The following LTN1 variants were observed in gnomAD, a reference collection of about 807,000 sequenced individuals.
LTN1 encodes the protein E3 ubiquitin-protein ligase listerin.
LTN1 carries 88 observed loss-of-function variants against 201.2 expected under a neutral mutation model. That is an observed-to-expected ratio of 0.44 (90% CI 0.37 to 0.52). The LOEUF (loss-of-function observed/expected upper bound fraction) is 0.52. Ranked by LOEUF, LTN1 falls within the 20% of genes least tolerant of loss-of-function variation. The pLI, the probability that LTN1 is intolerant of heterozygous loss-of-function variation, is 0.00. For synonymous variants in LTN1, 645 were observed against 713.5 expected, an observed-to-expected ratio of 0.90 and a Z score of 1.53; for missense variants, 1,752 against 2,038.7, an observed-to-expected ratio of 0.86 and a Z score of 2.71.
At chr21:28,974,846 G>A (rs1311786309) in intron 6 of LTN1, among the ~76,000 whole-genome samples, 1 of 152,108 alleles carries the variant, frequency 6.6e-6, no homozygotes, top group Non-Finnish European at 1.5e-5. Context: ...ATGTTGTGCA[G>A]GCTGGTCTTG....
chr21:28,960,653 A>G lies in LTN1; in HGVS notation c.2217T>C (p.Asp739=). ...AGTTGACCAATTTCTCACCAAGGAT[A>G]TCGCCTTTGAGCCAAGGAGTTACTA... is the stretch of plus-strand genomic sequence containing the variant. The part of the protein sequence containing the change: ...HALVTPWLKG[D]ILGEKLVNLA... Residue 739 remains aspartate (D), a synonymous_variant, in exon 12 of 30, where the codon GAT becomes GAC. Coordinates refer to ENST00000361371, the MANE Select transcript of LTN1 (RefSeq NM_015565.3). 6.2e-7 allele frequency: 1 copy of G among 1,614,118 alleles called. No individual in the cohort carries two copies. Among genetic ancestry groups the G allele is most frequent in the East Asian group, 2.2e-5 (1 of 44,858 alleles).
In LTN1 at chr21:28,937,809, C is replaced by A. The variant is rs573180630; in HGVS notation, c.4483-1112G>T. Reference sequence around the variant, plus strand: ...AAGTGTAACAAAAATATTCCAGAATCTGAAAAAATCTGAAATCAGAAACAC... The same window carrying A: ...AAGTGTAACAAAAATATTCCAGAATATGAAAAAATCTGAAATCAGAAACAC... On this transcript the variant is annotated intron_variant, in intron 25 of 29. Coordinates refer to ENST00000361371, the MANE Select transcript of LTN1 (RefSeq NM_015565.3). Among the ~76,000 whole-genome samples, 15 of 152,104 alleles carry A rather than the reference C, an allele frequency of 9.9e-5. No individual in the cohort carries two copies. In the South Asian group the frequency reaches 3.1e-3, roughly 32 times the overall value.
intron 18 of LTN1, among the ~76,000 whole-genome samples, chr21:28,951,639 T>C (rs1464920435): frequency 2.6e-5 from 4 of 152,122 alleles, no homozygotes; most frequent in Middle Eastern, 3.4e-3. Flanking sequence ...TATAAAATTC[T>C]ACAACAAAAG....
chr21:28,972,439 C>T (rs751575771), intron 6 of LTN1, among the ~76,000 whole-genome samples: 7 of 123,784 alleles, frequency 5.7e-5, no homozygotes, highest in Admixed American at 1.2e-4. Flanking sequence ...GTAATATAGT[C>T]GGCCCTCCAT....
intron 14 of LTN1, among the ~76,000 whole-genome samples, chr21:28,958,068 G>C (rs561533948): frequency 4.1e-4 from 63 of 152,202 alleles, no homozygotes; most frequent in Non-Finnish European, 6.9e-4. Context: ...AGTTTAAATG[G>C]ATGGTCATTG....
intron 3 of LTN1, among the ~76,000 whole-genome samples, chr21:28,985,344 C>A (rs989182806): frequency 6.6e-6 from 1 of 151,936 alleles, no homozygotes; most frequent in African/African-American, 2.4e-5. Flanking sequence ...ACCTGTAATC[C>A]CAGTTACTCA....
rs112281584 is a variant in LTN1 at position 28,934,978 on chromosome 21, T to C, written c.4875+131A>G. 20 of 664,856 alleles carry C rather than the reference T, an allele frequency of 3.0e-5. 1 individual carries two copies. Among genetic ancestry groups the C allele is most frequent in the African/African-American group, 2.3e-4 (13 of 55,346 alleles). 41.2% of individuals were successfully genotyped at this position (664,856 alleles called of 1,614,324 possible). ...CTCCCAAAGCGTTGGGATTAAGGCA[T>C]GAGCCACGACTCCTGGCCACCAGTT... On this transcript the variant is annotated intron_variant, in intron 27 of 29. Transcript: ENST00000361371.
chr21:28,940,536 A>G (rs1462407583), intron 25 of LTN1, among the ~76,000 whole-genome samples: 1 of 152,202 alleles, frequency 6.6e-6, no homozygotes, highest in Admixed American at 6.5e-5. Flanking sequence ...ATTAAGTTAT[A>G]TCTCCACAAC....
chr21:28,943,912 CAAA>C lies in LTN1; in HGVS notation c.3983-11_3983-9del. The stretch of plus-strand genomic sequence containing the variant: ...ACACATCTTTGTTTTCTCCTAATGA[CAAA>C]AAGGAAAGAAACATGCACGTCTCAA... On this transcript the variant is annotated splice_polypyrimidine_tract_variant and intron_variant, in intron 22 of 29. Transcript: ENST00000361371. The C allele has an allele frequency of 6.4e-7, 1 of 1,563,270 alleles. No homozygotes were observed. Among genetic ancestry groups the C allele is most frequent in the South Asian group, 1.1e-5 (1 of 89,778 alleles).
chr21:28,960,393 A>C, intron 12 of LTN1, 124 bp downstream of exon 12: 1 of 699,810 alleles, frequency 1.4e-6, no homozygotes. Flanking sequence ...AAGAAAAAAA[A>C]AAATTTGAAT....
In LTN1 at chr21:28,966,604, T is replaced by C. The variant is rs758061662; in HGVS notation, c.1887A>G (p.Val629=). ...TTTCATCACCAAGTAGCATTTTAAA[T>C]ACTCGGCTTGAAGAAAAGGAGTCAA... The part of the protein sequence containing the change: ...TLLDSFSSSR[V]FKMLLGDEKQ... The change falls in exon 10 of 30, where the codon GTA becomes GTG. Residue 629 remains valine (V), a synonymous_variant. Coordinates refer to ENST00000361371, the MANE Select transcript of LTN1 (RefSeq NM_015565.3). 1.7e-5 allele frequency: 27 copies of C among 1,614,016 alleles called. No individual in the cohort carries two copies. In the South Asian group the frequency reaches 2.7e-4, roughly 16 times the overall value.
intron 20 of LTN1, 65 bp downstream of exon 20, chr21:28,946,087 A>C: frequency 6.7e-7 from 1 of 1,485,250 alleles, no homozygotes; most frequent in Non-Finnish European, 9.2e-7. Context: ...AAATTGTGAC[A>C]CAGATACGTA....
At chr21:28,967,324 T>G in intron 9 of LTN1, 145 bp from the exon 10 acceptor site, 1 of 643,042 alleles carries the variant, frequency 1.6e-6, no homozygotes, top group Non-Finnish European at 2.6e-6. Flanking sequence ...AGCACCTGTA[T>G]AGCAGGATGG....
chr21:28,968,891 G>A (rs1028025337), intron 9 of LTN1, among the ~76,000 whole-genome samples: 1 of 151,172 alleles, frequency 6.6e-6, no homozygotes, highest in African/African-American at 2.4e-5. Flanking sequence ...ACAGGCGTGA[G>A]CCACGACGCC....
intron 6 of LTN1, among the ~76,000 whole-genome samples, chr21:28,973,461 T>C (rs1190110294): frequency 6.6e-6 from 1 of 151,722 alleles, no homozygotes; most frequent in Non-Finnish European, 1.5e-5. Flanking sequence ...TTTTGTGAGA[T>C]TTAAAAATAC....
At position 28,947,616 on chromosome 21, in the gene LTN1, G is replaced by GA. The variant is rs35916992; in HGVS notation, c.3345-11dup. On this transcript the variant is annotated splice_polypyrimidine_tract_variant and intron_variant, in intron 18 of 29. Transcript: ENST00000361371. ...AGTTAGTGGAAAAAAACTGTTTAAA[G>GA]AAAAAAAAAACACAAGTTAGATTTC... is the stretch of plus-strand genomic sequence containing the variant. The GA allele has an allele frequency of 0.036, 45,246 of 1,252,416 alleles. No homozygotes were observed. The highest frequency in any genetic ancestry group is 0.053 in the South Asian group (3,130 of 59,602). 77.6% of individuals were successfully genotyped at this position (1,252,416 alleles called of 1,614,324 possible).
At chr21:28,971,620 A>G (rs1193076972) in intron 6 of LTN1, among the ~76,000 whole-genome samples, 176 bp from the exon 7 acceptor site, 4 of 152,252 alleles carry the variant, frequency 2.6e-5, no homozygotes, top group Non-Finnish European at 5.9e-5. Context: ...ATAAGGAATT[A>G]CCAAGGCAAA....
chr21:28,986,634 T>C lies in LTN1; in HGVS notation c.246+97A>G. ...GTACAATTATAAAAGAACTTAGCAA[T>C]AAATTGTTCATTTTTCTTTACATAA... On this transcript the variant is annotated intron_variant, in intron 2 of 29. Coordinates refer to ENST00000361371, the MANE Select transcript of LTN1 (RefSeq NM_015565.3). The surrounding 1 kb of genome is among the most constrained non-coding windows in gnomAD (Gnocchi z 4.1). 2 of 892,826 alleles carry C rather than the reference T, an allele frequency of 2.2e-6. No homozygotes were observed. Among genetic ancestry groups the C allele is most frequent in the Non-Finnish European group, 3.5e-6 (2 of 572,518 alleles). 55.3% of individuals were successfully genotyped at this position (892,826 alleles called of 1,614,324 possible).
intron 3 of LTN1, among the ~76,000 whole-genome samples, chr21:28,985,255 T>A (rs997341348): frequency 6.6e-6 from 1 of 151,586 alleles, no homozygotes; most frequent in East Asian, 1.9e-4. Flanking sequence ...CGGTCAGGAG[T>A]TCAAGACCAG....
Sources: allele counts gnomAD v4.1 joint callset (sites outside exome capture counted in the v4.1 genomes callset), GRCh38; gene constraint gnomAD v4.1.1; non-coding constraint Gnocchi (gnomAD v3.1); transcripts MANE v1.5; gene names NCBI Gene and HGNC (gene_info 2026-07-23, HGNC 2026-07-21).